Variants in CACNA1B observed in about 807,000 individuals in gnomAD.
The protein encoded by CACNA1B is calcium voltage-gated channel subunit alpha1 B.
CACNA1B carries 70 observed loss-of-function variants against 247.2 expected under a neutral mutation model. The observed-to-expected ratio is 0.28, with a 90% CI of 0.23 to 0.35. CACNA1B has a LOEUF of 0.35. Among genes scored for constraint, CACNA1B ranks in the 10% least tolerant of loss-of-function variants. The pLI is 1.00. For missense variants in CACNA1B, 2,367 were observed against 3,197.4 expected, an observed-to-expected ratio of 0.74 and a Z score of 6.26; for synonymous variants, 1,231 against 1,294.4, an observed-to-expected ratio of 0.95 and a Z score of 1.05.
intron 38 of CACNA1B, among the ~76,000 whole-genome samples, chr9:138,104,334 T>C (rs1961352080): frequency 6.6e-6 from 1 of 151,986 alleles, no homozygotes. Context: ...GAGCTCTTCC[T>C]TCTTGTAAAT....
At chr9:138,070,976 A>T (rs1157424329) in intron 32 of CACNA1B, among the ~76,000 whole-genome samples, 9 of 152,192 alleles carry the variant, frequency 5.9e-5, no homozygotes, top group Non-Finnish European at 1.3e-4. Context: ...CCCAGCTGAC[A>T]CTCGGGACAA....
In CACNA1B at chr9:137,899,734, C is replaced by G. The variant is rs1957210671; in HGVS notation, c.531-13446C>G. Among the ~76,000 whole-genome samples the G allele has an allele frequency of 6.6e-6, 1 of 152,180 alleles. No homozygotes were observed. Among genetic ancestry groups the G allele is most frequent in the Admixed American group, 6.5e-5 (1 of 15,292 alleles). ...ACAAAGCAGATCCTGGAGATGGTGC[C>G]TCCCCTGCCAGCTTGGCTCCCATGT... On this transcript the variant is annotated intron_variant, in intron 3 of 46. Transcript: ENST00000371372. This position sits in a 1 kb window ranked among gnomAD's most constrained non-coding sequence, Gnocchi z 5.0.
Position 138,051,624 on chromosome 9 carries a change from G to C in CACNA1B, c.3711-468G>C, listed in dbSNP as rs545211003. 5.5e-4 allele frequency among the ~76,000 whole-genome samples: 84 copies of C among 152,102 alleles called. 1 individual carries two copies. The highest frequency in any genetic ancestry group is 2.0e-3 in the Admixed American group (30 of 15,288). ...CGTCAGCGGGAGGAATGTTAGGACG[G>C]CTGAGGAGATCTGTAGGGCAGAGGC... On this transcript the variant is annotated intron_variant, in intron 24 of 46. Transcript: ENST00000371372. The surrounding 1 kb of genome is among the most constrained non-coding windows in gnomAD (Gnocchi z 4.3).
intron 18 of CACNA1B, among the ~76,000 whole-genome samples, chr9:138,019,627 G>T (rs965887879): frequency 3.3e-5 from 5 of 152,162 alleles, no homozygotes; most frequent in Non-Finnish European, 7.4e-5. Context: ...TCCTAGTGGT[G>T]GTGAGGCCCC....
At chr9:137,910,745 C>T (rs1957350898) in intron 3 of CACNA1B, among the ~76,000 whole-genome samples, 1 of 152,074 alleles carries the variant, frequency 6.6e-6, no homozygotes. Flanking sequence ...TGACAGGAGG[C>T]GGAGCTCAGG....
rs7044028 is a variant in CACNA1B, at chr9:137,888,311, A to T, written c.530+5428A>T. Among the ~76,000 whole-genome samples, 2 of 151,126 alleles carry T rather than the reference A, an allele frequency of 1.3e-5. No individual in the cohort carries two copies. The highest frequency in any genetic ancestry group is 1.5e-5 in the Non-Finnish European group (1 of 67,636). On this transcript the variant is annotated intron_variant, in intron 3 of 46. Coordinates refer to ENST00000371372, the MANE Select transcript of CACNA1B (RefSeq NM_000718.4). The surrounding 1 kb of genome is among the most constrained non-coding windows in gnomAD (Gnocchi z 4.7). The stretch of plus-strand genomic sequence containing the variant: ...CCGTGCCCCAGCCAGTCTCACGTGC[A>T]TCCACGCTCCCAGTCCTGTCCCCAC...
intron 35 of CACNA1B, 80 bp downstream of exon 35, chr9:138,075,990 T>C: frequency 2.1e-6 from 2 of 953,324 alleles, no homozygotes; most frequent in Non-Finnish European, 3.3e-6. Flanking sequence ...AGGCTGGGTG[T>C]CAACCGTGGA....
At chr9:138,003,335 G>A (rs2133407249) in intron 15 of CACNA1B, among the ~76,000 whole-genome samples, 1 of 150,944 alleles carries the variant, frequency 6.6e-6, no homozygotes, top group East Asian at 2.0e-4. Flanking sequence ...ACCACACCTA[G>A]CTCATTAAAA....
intron 42 of CACNA1B, among the ~76,000 whole-genome samples, chr9:138,117,484 G>A (rs1564296040): frequency 6.6e-6 from 1 of 152,170 alleles, no homozygotes; most frequent in Non-Finnish European, 1.5e-5. Context: ...TGCTGGCATA[G>A]GCAGGACTTC....
At position 138,102,626 on chromosome 9, in the gene CACNA1B, C is replaced by T. The variant is rs1961289787; in HGVS notation, c.5223-85C>T. Reference sequence around the variant, plus strand: ...GTCTGCTTCCTCCCTGCCCCTACCCCGCTCCCCTCCCCGCTCCCCTCCTGC... The same window carrying T: ...GTCTGCTTCCTCCCTGCCCCTACCCTGCTCCCCTCCCCGCTCCCCTCCTGC... On this transcript the variant is annotated intron_variant, in intron 37 of 46. Coordinates refer to ENST00000371372, the MANE Select transcript of CACNA1B (RefSeq NM_000718.4). This position sits in a 1 kb window ranked among gnomAD's most constrained non-coding sequence, Gnocchi z 5.4. 6.3e-6 allele frequency: 4 copies of T among 635,502 alleles called. No homozygotes were observed. The highest frequency in any genetic ancestry group is 2.0e-5 in the South Asian group (1 of 50,550). The allele number at this position is 635,502 out of a possible 1,614,324, so 39.4% of individuals were successfully genotyped here. A position where few individuals can be genotyped will look rare whatever the true frequency, so the allele number is the denominator to read the frequency against.
intron 6 of CACNA1B, among the ~76,000 whole-genome samples, chr9:137,924,087 A>G (rs980328995): frequency 2.0e-5 from 3 of 152,148 alleles, no homozygotes; most frequent in Non-Finnish European, 2.9e-5. Flanking sequence ...CTGGTCTTTC[A>G]TGGAACAAAT....
At position 138,034,783 on chromosome 9, in the gene CACNA1B, GATCTTGTA is replaced by G. The variant is rs368100567; in HGVS notation, c.3287-8990_3287-8983del. ...ATTTGCCTTATATATGATGTGCAAGGATCTTGTAGTCCCCCCTTATCCATGGTTTTACT... is the reference window on the plus strand; with the variant it reads ...ATTTGCCTTATATATGATGTGCAAGGGTCCCCCCTTATCCATGGTTTTACT... On this transcript the variant is annotated intron_variant, in intron 20 of 46. Transcript: ENST00000371372. Among the ~76,000 whole-genome samples, 238 of 152,156 alleles carry G rather than the reference GATCTTGTA, an allele frequency of 1.6e-3. 1 individual carries two copies. Among genetic ancestry groups the G allele is most frequent in the Non-Finnish European group, 2.1e-3 (140 of 68,002 alleles).
chr9:137,946,155 A>C (rs1196739304), intron 6 of CACNA1B, among the ~76,000 whole-genome samples: 1 of 152,182 alleles, frequency 6.6e-6, no homozygotes, highest in African/African-American at 2.4e-5. Flanking sequence ...ATTTTACTTT[A>C]GGACAAGAAT....
chr9:137,955,574 G>A lies in CACNA1B; in HGVS notation c.1071-124G>A. On this transcript the variant is annotated intron_variant, in intron 7 of 46. Coordinates refer to ENST00000371372, the MANE Select transcript of CACNA1B (RefSeq NM_000718.4). This position sits in a 1 kb window ranked among gnomAD's most constrained non-coding sequence, Gnocchi z 6.9. ...AGGCCTGGGTGGCAGGGGCCTGCCT[G>A]AAGCAGCAGCCTGCAGCCTGCGTCT... 1.5e-6 allele frequency: 1 copy of A among 670,282 alleles called. No homozygotes were observed. 41.5% of individuals were successfully genotyped at this position (670,282 alleles called of 1,614,324 possible).
At chr9:138,086,018 T>C (rs1455491894) in intron 36 of CACNA1B, among the ~76,000 whole-genome samples, 5 of 150,958 alleles carry the variant, frequency 3.3e-5, no homozygotes. Context: ...CAAACCTTAC[T>C]ATTACAGAAA....
rs1958366431 is a variant in CACNA1B, at chr9:137,986,712, G to A, written c.1902-70G>A. Reference sequence around the variant, plus strand: ...CCTGAAGCGAGCAGGTTGAGGCCACGCTGGAGCCTGCAGGCGCTGCCTCGC... The same window carrying A: ...CCTGAAGCGAGCAGGTTGAGGCCACACTGGAGCCTGCAGGCGCTGCCTCGC... On this transcript the variant is annotated intron_variant, in intron 14 of 46. Coordinates refer to ENST00000371372, the MANE Select transcript of CACNA1B (RefSeq NM_000718.4). The surrounding 1 kb of genome is among the most constrained non-coding windows in gnomAD (Gnocchi z 6.0). The A allele has an allele frequency of 2.1e-6, 3 of 1,425,336 alleles. No homozygotes were observed. Among genetic ancestry groups the A allele is most frequent in the African/African-American group, 1.4e-5 (1 of 71,172 alleles). 88.3% of individuals were successfully genotyped at this position (1,425,336 alleles called of 1,614,324 possible). A position where few individuals can be genotyped will look rare whatever the true frequency, so the allele number is the denominator to read the frequency against.
chr9:138,071,891 C>G (rs1960146044), intron 32 of CACNA1B, among the ~76,000 whole-genome samples: 1 of 151,960 alleles, frequency 6.6e-6, no homozygotes, highest in Admixed American at 6.6e-5. Flanking sequence ...AGAGTGGGAG[C>G]CTCCAACCCC....
rs1279368828 is a variant in CACNA1B, at chr9:138,051,825, G to A, written c.3711-267G>A. On this transcript the variant is annotated intron_variant, in intron 24 of 46. Coordinates refer to ENST00000371372, the MANE Select transcript of CACNA1B (RefSeq NM_000718.4). This position sits in a 1 kb window ranked among gnomAD's most constrained non-coding sequence, Gnocchi z 4.3. ...AATCTGGGGTGGGAGGGGTGTCAGG[G>A]GTGATGGTTCTTCTCCTTGTGCACC... Among the ~76,000 whole-genome samples, 1 of 152,142 alleles carries A rather than the reference G, an allele frequency of 6.6e-6. No homozygotes were observed. The highest frequency in any genetic ancestry group is 1.5e-5 in the Non-Finnish European group (1 of 68,016).
chr9:137,960,736 C>A (rs992452926), intron 10 of CACNA1B, among the ~76,000 whole-genome samples: 6 of 152,022 alleles, frequency 3.9e-5, no homozygotes, highest in African/African-American at 1.5e-4. Context: ...CAGACAGGCT[C>A]ACTTCCAACC....
Sources: allele counts gnomAD v4.1 joint callset (sites outside exome capture counted in the v4.1 genomes callset), GRCh38; gene constraint gnomAD v4.1.1; non-coding constraint Gnocchi (gnomAD v3.1); transcripts MANE v1.5; gene names NCBI Gene and HGNC (gene_info 2026-07-23, HGNC 2026-07-21).